PPP2R3C: variants seen among roughly 807,000 people sequenced by gnomAD.
PPP2R3C encodes protein phosphatase 2 regulatory subunit B''gamma.
Under a neutral mutation model 63.7 loss-of-function variants are expected in PPP2R3C, and 47 were observed. The observed-to-expected ratio is 0.74, with a 90% CI of 0.58 to 0.94. The LOEUF is 0.94. Among genes scored for constraint, PPP2R3C ranks in the 40% least tolerant of loss-of-function variants. The probability of loss-of-function intolerance (pLI) is 0.00; values close to 1 mark genes in which losing one functional copy is unlikely to be tolerated. For missense variants in PPP2R3C, 421 were observed against 518.4 expected (o/e 0.81, Z 1.82); for synonymous variants, 180 against 177.4 (o/e 1.01, Z -0.12).
At chr14:35,107,126 G>A (rs1469189533) in intron 6 of PPP2R3C, among the ~76,000 whole-genome samples, 178 bp downstream of exon 6, 7 of 152,092 alleles carry the variant, frequency 4.6e-5, no homozygotes, top group Admixed American at 1.3e-4. Context: ...TTTAAAAGTT[G>A]AAAGTGTACA....
chr14:35,087,005 C>G (rs1438979487), intron 12 of PPP2R3C: 2 of 152,076 alleles, frequency 1.3e-5, no homozygotes, highest in Non-Finnish European at 2.9e-5. Flanking sequence ...CCGTTCAACT[C>G]AATTAAACAT....
At chr14:35,110,706 T>C in intron 2 of PPP2R3C, 77 bp from the exon 3 acceptor site, 1 of 906,212 alleles carries the variant, frequency 1.1e-6, no homozygotes, top group East Asian at 2.4e-5. Context: ...CCTCATAAAA[T>C]AACTGTATGC....
chr14:35,098,652 A>G, intron 7 of PPP2R3C: 1 of 152,206 alleles, frequency 6.6e-6, no homozygotes, highest in Non-Finnish European at 1.5e-5. Flanking sequence ...CCAGGCCCAT[A>G]GCTGAATTTT....
chr14:35,094,906 A>T, intron 10 of PPP2R3C, 142 bp downstream of exon 10: 1 of 835,228 alleles, frequency 1.2e-6, no homozygotes, highest in East Asian at 2.7e-5. Flanking sequence ...TTGAGCGGAG[A>T]TCACACCACT....
At chr14:35,106,137 G>A (rs113775237) in intron 6 of PPP2R3C, among the ~76,000 whole-genome samples, 10,722 of 152,016 alleles carry the variant, frequency 0.071, 507 homozygotes, top group Non-Finnish European at 0.11. Flanking sequence ...GAGCCACCAC[G>A]CCCGGCATCC....
chr14:35,104,557 T>C (rs2046290411), intron 6 of PPP2R3C, among the ~76,000 whole-genome samples: 1 of 152,120 alleles, frequency 6.6e-6, no homozygotes, highest in Non-Finnish European at 1.5e-5. Flanking sequence ...TAAGTCCATA[T>C]AATTTAGATA....
Position 35,085,778 on chromosome 14 carries a change from C to A in PPP2R3C, c.1174G>T (p.Asp392Tyr). 1 of 1,589,482 alleles carries A rather than the reference C, an allele frequency of 6.3e-7. No individual in the cohort carries two copies. Among genetic ancestry groups the A allele is most frequent in the Non-Finnish European group, 8.6e-7 (1 of 1,168,144 alleles). Residue 392 changes from aspartate to tyrosine, a missense_variant and splice_region_variant, in exon 13 of 13, where the codon GAT becomes TAT. Asp to Tyr is a radical substitution (Grantham distance 160, BLOSUM62 -3). This residue lies in a region of PPP2R3C where 231 missense variants were observed against 264.8 expected (regional missense o/e 0.87). Coordinates refer to ENST00000261475, the MANE Select transcript of PPP2R3C (RefSeq NM_017917.4). ...QDPVSFQDVK[D>Y]EIFDMVKPKD... ...GGTTTTACCATGTCAAAGATTTCAT[C>A]CTGCAAGAGAAAAAAAAATACAATG...
chr14:35,094,008 A>C (rs2045919046), intron 10 of PPP2R3C, among the ~76,000 whole-genome samples: 1 of 152,184 alleles, frequency 6.6e-6, no homozygotes, highest in Non-Finnish European at 1.5e-5. Context: ...GCATTGTTAT[A>C]ATAAAAAGAC....
At position 35,096,752 on chromosome 14, in the gene PPP2R3C, A is replaced by C; in HGVS notation, c.719T>G (p.Ile240Ser). The stretch of plus-strand genomic sequence containing the variant: ...GAAGCTGCATGCTAAAATATCTTGA[A>C]TTTTTATCTTTCCTTTAAGAACATA... ...LDPLRTGKIK[I>S]QDILACSFLD... is the part of the protein sequence containing the mutation. Residue 240 changes from isoleucine to serine, a missense_variant, in exon 8 of 13, where the codon ATT (isoleucine) becomes AGT (serine). Around this residue, in one of 3 missense-constraint regions of PPP2R3C, gnomAD observed 231 missense variants for 264.8 expected, o/e 0.87. Coordinates refer to ENST00000261475, the MANE Select transcript of PPP2R3C (RefSeq NM_017917.4). The C allele has an allele frequency of 1.9e-6, 3 of 1,584,890 alleles. No individual in the cohort carries two copies. Among genetic ancestry groups the C allele is most frequent in the Non-Finnish European group, 2.6e-6 (3 of 1,164,632 alleles).
At chr14:35,121,749 A>C (rs2046904642) in intron 1 of PPP2R3C, 153 bp downstream of exon 1, 1 of 819,342 alleles carries the variant, frequency 1.2e-6, no homozygotes, top group Non-Finnish European at 1.9e-6. Context: ...ACCTATCGGG[A>C]TCCTTAAACC....
intron 2 of PPP2R3C, among the ~76,000 whole-genome samples, chr14:35,110,894 T>G (rs931992990): frequency 2.0e-5 from 3 of 152,178 alleles, no homozygotes; most frequent in Non-Finnish European, 4.4e-5. Context: ...GTGTTTCTAT[T>G]GTCACCTTAG....
intron 9 of PPP2R3C, 73 bp from the exon 10 acceptor site, chr14:35,095,257 G>C: frequency 2.1e-6 from 3 of 1,458,168 alleles, no homozygotes; most frequent in Non-Finnish European, 2.8e-6. Context: ...CTAACAAAAA[G>C]TTTTTTCTTG....
At chr14:35,116,775 T>A (rs1459144601) in intron 1 of PPP2R3C, 38 bp from the exon 2 acceptor site, 1 of 1,495,288 alleles carries the variant, frequency 6.7e-7, no homozygotes, top group Admixed American at 2.2e-5. Flanking sequence ...ACTTTTAAAA[T>A]CAAGCAGTAC....
chr14:35,118,269 G>T (rs535819242), intron 1 of PPP2R3C, among the ~76,000 whole-genome samples: 33 of 152,306 alleles, frequency 2.2e-4, no homozygotes, highest in African/African-American at 7.9e-4. Context: ...GAAAGTTTAA[G>T]ATGGGAGAAA....
At chr14:35,099,097 G>GT (rs1467741019) in intron 7 of PPP2R3C, 155 bp downstream of exon 7, 71 of 1,032,804 alleles carry the variant, frequency 6.9e-5, no homozygotes, top group Non-Finnish European at 8.9e-5. Context: ...TACTGCTACT[G>GT]TTTTTTCTAC....
At chr14:35,115,796 A>G (rs908130787) in intron 2 of PPP2R3C, among the ~76,000 whole-genome samples, 1 of 151,848 alleles carries the variant, frequency 6.6e-6, no homozygotes, top group Non-Finnish European at 1.5e-5. Flanking sequence ...TAATTTTTGT[A>G]TTTTGAGTAG....
intron 11 of PPP2R3C, 93 bp from the exon 12 acceptor site, chr14:35,088,103 C>G: frequency 1.2e-6 from 1 of 865,026 alleles, no homozygotes; most frequent in South Asian, 1.4e-5. Flanking sequence ...TACTTCCTTT[C>G]CTATCAGGCC....
intron 11 of PPP2R3C, among the ~76,000 whole-genome samples, chr14:35,088,504 C>CA (rs1393300995): frequency 4.6e-5 from 7 of 152,148 alleles, no homozygotes; most frequent in Admixed American, 3.9e-4. Flanking sequence ...TAAACTTTAA[C>CA]AAAAAAATGA....
chr14:35,085,807 T>G (rs1463649217), intron 12 of PPP2R3C, 29 bp from the exon 13 acceptor site: 5 of 1,546,858 alleles, frequency 3.2e-6, no homozygotes, highest in Non-Finnish European at 4.4e-6. Flanking sequence ...TACAATGAAA[T>G]TTGATCCACT....
Sources: gnomAD v4.1 joint callset for allele counts (sites outside exome capture counted in the v4.1 genomes callset) on GRCh38, gnomAD v4.1.1 for gene constraint, gnomAD v4.1.1 regional missense constraint, MANE v1.5 for transcripts, NCBI Gene and HGNC (gene_info 2026-07-23, HGNC 2026-07-21) for gene names.